WHAMM: variants seen among roughly 807,000 people sequenced by gnomAD.
WHAMM encodes the protein WASP homolog-associated protein with actin, membranes and microtubules.
In WHAMM, 67 loss-of-function variants were observed where a neutral mutation model predicts 76.5. The ratio of observed to expected loss-of-function variants is 0.88; its 90% CI spans 0.72 to 1.07. The LOEUF (loss-of-function observed/expected upper bound fraction) is 1.07, where lower values mean the gene tolerates loss of function less well. Among genes scored for constraint, WHAMM ranks in the 50% least tolerant of loss-of-function variants. The pLI, the probability that WHAMM is intolerant of heterozygous loss-of-function variation, is 0.00. For missense variants in WHAMM, 1,021 were observed against 1,051.1 expected (o/e 0.97, Z 0.40); for synonymous variants, 419 against 422.1 (o/e 0.99, Z 0.09).
intron 1 of WHAMM, among the ~76,000 whole-genome samples, chr15:82,810,869 C>A (rs971456149): frequency 6.6e-6 from 1 of 152,082 alleles, no homozygotes; most frequent in Non-Finnish European, 1.5e-5. Context: ...TTTGGAATGA[C>A]CGCATTAGTG....
Position 82,834,803 on chromosome 15 carries a change from G to A in WHAMM, c.*1267G>A, listed in dbSNP as rs116102405. The stretch of plus-strand genomic sequence containing the variant: ...TGTAAAAGCAAAGTCTTCCGTGTCC[G>A]GGTGGGCTGAAAGTTTTTAATAAAA... On this transcript the variant is annotated 3_prime_UTR_variant, in exon 10 of 10. Transcript: ENST00000286760. 2.0e-5 allele frequency: 3 copies of A among 152,184 alleles called. No individual in the cohort carries two copies. The highest frequency in any genetic ancestry group is 1.3e-4 in the Admixed American group (2 of 15,280). 9.4% of individuals were successfully genotyped at this position (152,184 alleles called of 1,614,324 possible).
chr15:82,820,586 G>C (rs946000617), intron 5 of WHAMM, among the ~76,000 whole-genome samples: 4 of 152,022 alleles, frequency 2.6e-5, no homozygotes, highest in Non-Finnish European at 2.9e-5. Flanking sequence ...CCTCTAGATA[G>C]GTTGTACATT....
intron 8 of WHAMM, among the ~76,000 whole-genome samples, chr15:82,827,236 A>G (rs543398621): frequency 2.6e-5 from 4 of 152,350 alleles, no homozygotes; most frequent in Middle Eastern, 3.4e-3. Flanking sequence ...GCATTGTGAT[A>G]TAAGTGTAGT....
chr15:82,810,516 G>A, intron 1 of WHAMM, 181 bp downstream of exon 1: 31 of 985,470 alleles, frequency 3.1e-5, no homozygotes, highest in Non-Finnish European at 3.7e-5. Flanking sequence ...ACCGGCGGGA[G>A]CTGCGGGAGG....
At chr15:82,826,676 A>G in intron 7 of WHAMM, 75 bp from the exon 8 acceptor site, 1 of 1,528,866 alleles carries the variant, frequency 6.5e-7, no homozygotes, top group Non-Finnish European at 8.8e-7. Flanking sequence ...TTCTTTGCTG[A>G]GACATTTTTA....
At chr15:82,820,128 T>C (rs911255248) in intron 5 of WHAMM, among the ~76,000 whole-genome samples, 1 of 152,186 alleles carries the variant, frequency 6.6e-6, no homozygotes, top group African/African-American at 2.4e-5. Flanking sequence ...AACCAAAATA[T>C]ATAACCAGTT....
At chr15:82,813,309 T>G in intron 2 of WHAMM, 33 bp downstream of exon 2, 2 of 1,442,418 alleles carry the variant, frequency 1.4e-6, no homozygotes, top group South Asian at 2.9e-5. Context: ...CTTTATCAGA[T>G]TTACTATTTG....
At chr15:82,810,832 C>T (rs952214465) in intron 1 of WHAMM, 41 of 875,634 alleles carry the variant, frequency 4.7e-5, no homozygotes, top group Non-Finnish European at 5.2e-5. Context: ...AATGGAAAGC[C>T]GGCAGAAGGT....
chr15:82,813,394 A>G (rs1391063494), intron 2 of WHAMM, 118 bp downstream of exon 2: 18 of 1,026,986 alleles, frequency 1.8e-5, no homozygotes, highest in Middle Eastern at 3.2e-4. Context: ...CATTATGTTT[A>G]TTTATTTACT....
intron 5 of WHAMM, among the ~76,000 whole-genome samples, chr15:82,820,896 CAAAAAAA>C (rs60974626): frequency 1.4e-4 from 17 of 119,682 alleles, no homozygotes; most frequent in African/African-American, 3.9e-4. Flanking sequence ...GACTCTGTCT[CAAAAAAA>C]AAAAAAAAAA....
chr15:82,814,746 C>T (rs887027343), intron 2 of WHAMM, among the ~76,000 whole-genome samples: 6 of 150,480 alleles, frequency 4.0e-5, no homozygotes, highest in African/African-American at 1.5e-4. Flanking sequence ...GCCACCACAC[C>T]CAGCCTATAT....
In WHAMM at chr15:82,833,493, A is replaced by G. The variant is rs1223967797; in HGVS notation, c.2387A>G (p.Glu796Gly). 2 of 1,606,536 alleles carry G rather than the reference A, an allele frequency of 1.2e-6. No individual in the cohort carries two copies. The highest frequency in any genetic ancestry group is 1.7e-6 in the Non-Finnish European group (2 of 1,173,316). Residue 796 changes from glutamate to glycine, a missense_variant, in exon 10 of 10, where the codon GAG becomes GGG. This residue lies in a region of WHAMM where 509 missense variants were observed against 492.3 expected (regional missense o/e 1.03). Transcript: ENST00000286760. ...ATCAAGAGGGTGTCTGCTGACTCTG[A>G]GGAGGACAGTGATGAGCAGGACCCT... ...QRIKRVSADS[E>G]EDSDEQDPGQ...
rs2051120556 is a variant in WHAMM, at chr15:82,835,854, C to T, written c.*2318C>T. The T allele has an allele frequency of 6.6e-6, 1 of 152,292 alleles. No homozygotes were observed. The highest frequency in any genetic ancestry group is 6.5e-5 in the Admixed American group (1 of 15,290). The allele number at this position is 152,292 out of a possible 1,614,324, so 9.4% of individuals were successfully genotyped here. The stretch of plus-strand genomic sequence containing the variant: ...CAGACAGGCCAGGCTCAGCATCAAA[C>T]TTCCTAGGGAAAGAATTTGGAATTG... On this transcript the variant is annotated 3_prime_UTR_variant, in exon 10 of 10. Transcript: ENST00000286760.
At chr15:82,814,171 C>T (rs2050680192) in intron 2 of WHAMM, among the ~76,000 whole-genome samples, 2 of 152,146 alleles carry the variant, frequency 1.3e-5, no homozygotes, top group African/African-American at 4.8e-5. Flanking sequence ...ATGCTTATTC[C>T]AGTGTTACAA....
At position 82,833,487 on chromosome 15, in the gene WHAMM, ACT is replaced by A; in HGVS notation, c.2384_2385del (p.Ser795Ter). 1.9e-6 allele frequency: 3 copies of A among 1,613,954 alleles called. No individual in the cohort carries two copies. The highest frequency in any genetic ancestry group is 2.5e-6 in the Non-Finnish European group (3 of 1,179,890). ...CAGAGAATCAAGAGGGTGTCTGCTG[ACT>A]CTGAGGAGGACAGTGATGAGCAGGA... On this transcript the variant is annotated frameshift_variant, in exon 10 of 10. Coordinates refer to ENST00000286760, the MANE Select transcript of WHAMM (RefSeq NM_001080435.3). LOFTEE classifies it high-confidence loss of function.
intron 5 of WHAMM, 148 bp from the exon 6 acceptor site, chr15:82,822,950 ATT>A (rs2050859724): frequency 1.8e-6 from 1 of 565,658 alleles, no homozygotes; most frequent in Non-Finnish European, 2.8e-6. Flanking sequence ...GTGCATGTAT[ATT>A]ACATATACAC....
intron 6 of WHAMM, among the ~76,000 whole-genome samples, chr15:82,825,219 T>C (rs1344818832): frequency 6.6e-6 from 1 of 152,222 alleles, no homozygotes; most frequent in African/African-American, 2.4e-5. Context: ...GGAACTGTTA[T>C]TCAGAGGATT....
chr15:82,816,422 A>G (rs1300194923), intron 2 of WHAMM, among the ~76,000 whole-genome samples: 2 of 152,172 alleles, frequency 1.3e-5, no homozygotes, highest in East Asian at 1.9e-4. Context: ...AGTTGACAAC[A>G]TTCCTCTCTA....
chr15:82,809,780 C>A lies in WHAMM; in HGVS notation c.54C>A (p.Gly18=). ...AGGGCTGGGTGCCGGTCCGGGAGGG[C>A]CTCTTCGCCGAGCCCGAGAGGCACC... The part of the protein sequence containing the change: ...SLEGWVPVRE[G]LFAEPERHRL... Residue 18 remains glycine (G), a synonymous_variant, in exon 1 of 10, where the codon GGC becomes GGA. Transcript: ENST00000286760. The A allele has an allele frequency of 1.3e-6, 2 of 1,597,154 alleles. No individual in the cohort carries two copies. The highest frequency in any genetic ancestry group is 1.1e-5 in the South Asian group (1 of 88,982).
Sources: allele counts gnomAD v4.1 joint callset (sites outside exome capture counted in the v4.1 genomes callset), GRCh38; gene constraint gnomAD v4.1.1; regional missense constraint gnomAD v4.1.1; transcripts MANE v1.5; gene names NCBI Gene and HGNC (gene_info 2026-07-23, HGNC 2026-07-21).